The following TMIGD2 variants were observed in gnomAD, a reference collection of about 807,000 sequenced individuals.
The protein encoded by TMIGD2 is transmembrane and immunoglobulin domain-containing protein 2.
TMIGD2 carries 18 observed loss-of-function variants against 22.6 expected under a neutral mutation model. The ratio of observed to expected loss-of-function variants is 0.80; its 90% CI spans 0.55 to 1.18. The LOEUF is 1.18. Ranked by LOEUF, TMIGD2 falls within the 50% of genes most tolerant of loss-of-function variation. The pLI is 0.00. For synonymous variants in TMIGD2, 184 were observed against 154.1 expected, an observed-to-expected ratio of 1.19 and a Z score of -1.44; for missense variants, 361 against 378.2, an observed-to-expected ratio of 0.95 and a Z score of 0.38.
intron 2 of TMIGD2, among the ~76,000 whole-genome samples, chr19:4,296,920 G>C (rs939545273): frequency 2.0e-5 from 3 of 152,154 alleles, no homozygotes; most frequent in Non-Finnish European, 4.4e-5. Context: ...ATGGCAAAGG[G>C]GACAGTGCAT....
In TMIGD2 at chr19:4,298,100, G is replaced by A; in HGVS notation, c.292C>T (p.Gln98Ter). ...TGGTTGAGGCTCACAGGGTCCAGCT[G>A]CAGGGTGAGATGGCTGGGTGCCTGC... The change falls in exon 2 of 5, where the codon CAG becomes TAG. Residue 98 changes from glutamine to a stop codon, truncating the protein, a stop_gained. Transcript: ENST00000301272. LOFTEE classifies it high-confidence loss of function. 6 of 1,613,592 alleles carry A rather than the reference G, an allele frequency of 3.7e-6. No homozygotes were observed. Among genetic ancestry groups the A allele is most frequent in the Non-Finnish European group, 5.1e-6 (6 of 1,180,000 alleles).
exon 5 of TMIGD2, chr19:4,292,588 C>A: frequency 6.2e-7 from 1 of 1,612,484 alleles, no homozygotes; most frequent in South Asian, 1.1e-5. Context: ...GTTGAGGTCT[C>A]CTGGGATCTC....
chr19:4,294,658 C>T (rs1236827921), exon 4 of TMIGD2: 3 of 1,596,042 alleles, frequency 1.9e-6, no homozygotes, highest in Non-Finnish European at 2.6e-6. Context: ...TGCTTCCCAC[C>T]CCCAGCAGCA....
exon 5 of TMIGD2, chr19:4,292,779 T>C (rs1331341042): frequency 6.2e-7 from 1 of 1,611,346 alleles, no homozygotes; most frequent in Admixed American, 1.7e-5. Context: ...GGAAGGAGGT[T>C]GAATAAATGC....
At chr19:4,298,062 GTACGCC>G in exon 2 of TMIGD2, 1 of 1,613,646 alleles carries the variant, frequency 6.2e-7, no homozygotes, top group Non-Finnish European at 8.5e-7. Context: ...CCCAGCACAC[GTACGCC>G]CCGCTGTGGT....
rs753118816 is a variant in TMIGD2, at chr19:4,297,972, G to A, written c.406+14C>T. On this transcript the variant is annotated intron_variant, in intron 2 of 4. Coordinates refer to ENST00000301272, the Ensembl canonical transcript of TMIGD2. ...CTCCCCACTGCCCCTCCCTCTCCCC[G>A]CTGGCTCCCGTACCTGGGTCCACAA... 83 of 1,547,174 alleles carry A rather than the reference G, an allele frequency of 5.4e-5. No individual in the cohort carries two copies. In the South Asian group the frequency reaches 9.0e-4, roughly 17 times the overall value.
chr19:4,300,772 G>A, intron 1 of TMIGD2, among the ~76,000 whole-genome samples: 1 of 152,174 alleles, frequency 6.6e-6, no homozygotes, highest in Non-Finnish European at 1.5e-5. Context: ...ACTGTGCCTG[G>A]CGTGTTGGAG....
chr19:4,300,997 G>A (rs1463046519), intron 1 of TMIGD2, among the ~76,000 whole-genome samples: 2 of 152,098 alleles, frequency 1.3e-5, no homozygotes, highest in African/African-American at 4.8e-5. Context: ...TTTTGAGATG[G>A]GGTCTCACTC....
chr19:4,294,988 C>T (rs974434749), intron 2 of TMIGD2, among the ~76,000 whole-genome samples, 172 bp from the exon 3 acceptor site: 3 of 151,970 alleles, frequency 2.0e-5, no homozygotes, highest in South Asian at 2.1e-4. Flanking sequence ...CAGCAGGACG[C>T]GGTGGCTCAG....
exon 2 of TMIGD2, chr19:4,298,284 C>A (rs1971490580): frequency 6.2e-7 from 1 of 1,607,648 alleles, no homozygotes; most frequent in Non-Finnish European, 8.5e-7. Flanking sequence ...CCTGACTGCC[C>A]TGCCTCACCT....
At chr19:4,294,636 C>T in exon 4 of TMIGD2, 1 of 1,606,268 alleles carries the variant, frequency 6.2e-7, no homozygotes, top group Non-Finnish European at 8.5e-7. Flanking sequence ...CACACGATCG[C>T]AGCCACACCC....
intron 1 of TMIGD2, among the ~76,000 whole-genome samples, chr19:4,298,956 C>A: frequency 6.6e-6 from 1 of 151,998 alleles, no homozygotes; most frequent in Admixed American, 6.6e-5. Context: ...ACAGGCATGA[C>A]CAAAACAGAT....
chr19:4,294,533 C>A (rs1394679063), intron 4 of TMIGD2, 46 bp downstream of exon 4: 1 of 1,579,078 alleles, frequency 6.3e-7, no homozygotes. Context: ...CAAGCAGCTG[C>A]AGTTCCCACC....
chr19:4,295,912 T>TTTG (rs1219555148), intron 2 of TMIGD2, among the ~76,000 whole-genome samples: 2 of 152,016 alleles, frequency 1.3e-5, no homozygotes, highest in African/African-American at 4.8e-5. Context: ...TAAGCATTGT[T>TTTG]TTGTTGTTGT....
At chr19:4,293,837 C>G (rs138896526) in intron 4 of TMIGD2, among the ~76,000 whole-genome samples, 2,067 of 152,098 alleles carry the variant, frequency 0.014, 51 homozygotes, top group African/African-American at 0.046. Context: ...TCTGGGCTCA[C>G]TGCAATCTCT....
intron 4 of TMIGD2, among the ~76,000 whole-genome samples, chr19:4,294,290 G>C (rs1331777549): frequency 6.6e-6 from 1 of 150,650 alleles, no homozygotes; most frequent in Non-Finnish European, 1.5e-5. Context: ...GCTGACCTCA[G>C]GTGATTCGCC....
At chr19:4,296,928 C>T (rs754032047) in intron 2 of TMIGD2, among the ~76,000 whole-genome samples, 2 of 152,194 alleles carry the variant, frequency 1.3e-5, no homozygotes, top group Non-Finnish European at 2.9e-5. Context: ...GGGGACAGTG[C>T]ATAGGGTGCA....
Position 4,292,286 on chromosome 19 carries a change from T to A in TMIGD2, c.*313A>T, listed in dbSNP as rs959856921. On this transcript the variant is annotated 3_prime_UTR_variant, in exon 5 of 5. Transcript: ENST00000301272. ...TGGGGGAAAGTGGGAGCGAGATCCA[T>A]CATTACAGAAATGAGGACGGGGTCT... 9.5e-5 allele frequency: 33 copies of A among 348,866 alleles called. No individual in the cohort carries two copies. The Admixed American group carries it at 1.4e-3, about 15-fold the overall frequency. The allele number at this position is 348,866 out of a possible 1,614,324, so 21.6% of individuals were successfully genotyped here.
intron 1 of TMIGD2, among the ~76,000 whole-genome samples, chr19:4,302,124 C>G (rs1031352121): frequency 9.2e-5 from 14 of 151,928 alleles, no homozygotes; most frequent in African/African-American, 3.1e-4. Context: ...CCAGGCCAGG[C>G]TGGTATGTAG....
Sources: gnomAD v4.1 joint callset for allele counts (sites outside exome capture counted in the v4.1 genomes callset) on GRCh38, gnomAD v4.1.1 for gene constraint, MANE v1.5 for transcripts, NCBI Gene and HGNC (gene_info 2026-07-23, HGNC 2026-07-21) for gene names.